Variants in PTPRF observed in about 807,000 individuals in gnomAD.
PTPRF encodes the protein receptor-type tyrosine-protein phosphatase F.
A neutral mutation model predicts 201.8 loss-of-function variants in PTPRF; 59 were observed. That is an observed-to-expected ratio of 0.29 (90% CI 0.24 to 0.36). The LOEUF (loss-of-function observed/expected upper bound fraction) is 0.36. Among genes scored for constraint, PTPRF ranks in the 10% least tolerant of loss-of-function variants. The pLI is 1.00. For synonymous variants in PTPRF, 1,088 were observed against 1,089.7 expected (o/e 1.00, Z 0.03); for missense variants, 2,132 against 2,690.5 (o/e 0.79, Z 4.59).
intron 6 of PTPRF, among the ~76,000 whole-genome samples, chr1:43,571,097 T>TATATAA (rs1459944888): frequency 6.6e-6 from 1 of 152,206 alleles, no homozygotes. Context: ...TATATAGTGC[T>TATATAA]TGGGGTGCCC....
intron 8 of PTPRF, 31 bp from the exon 9 acceptor site, chr1:43,590,941 G>GGCAGCTTTGA (rs765071738): frequency 3.2e-6 from 5 of 1,569,974 alleles, no homozygotes; most frequent in Non-Finnish European, 1.7e-6. Flanking sequence ...CTTGACCTCG[G>GGCAGCTTTGA]GCAGCTTTGA....
chr1:43,609,395 C>T lies in PTPRF; in HGVS notation c.3870C>T (p.His1290=). ...TCTGTCTCTCTAGGAAAAGGACCCA[C>T]TCTCCGTCCTCTAAGGATGAGCAGT... ...AILLFKRKRT[H]SPSSKDEQSI... is the part of the protein sequence containing the mutation. The change falls in exon 22 of 34, where the codon CAC becomes CAT. Residue 1290 remains histidine (H), a synonymous_variant. Coordinates refer to ENST00000359947, the MANE Select transcript of PTPRF (RefSeq NM_002840.5). 6.2e-7 allele frequency: 1 copy of T among 1,613,952 alleles called. No individual in the cohort carries two copies.
At chr1:43,568,784 G>A (rs1418370071) in intron 5 of PTPRF, among the ~76,000 whole-genome samples, 2 of 152,210 alleles carry the variant, frequency 1.3e-5, no homozygotes, top group Admixed American at 6.5e-5. Context: ...CTCTATGCTA[G>A]TGACTCCTCT....
chr1:43,549,988 C>G (rs1231099720), intron 3 of PTPRF, among the ~76,000 whole-genome samples: 1 of 152,150 alleles, frequency 6.6e-6, no homozygotes, highest in Non-Finnish European at 1.5e-5. Context: ...ATCTGTGCTC[C>G]CCAAAGATCC....
At chr1:43,549,414 G>T (rs927583198) in intron 3 of PTPRF, among the ~76,000 whole-genome samples, 3 of 152,170 alleles carry the variant, frequency 2.0e-5, no homozygotes, top group Non-Finnish European at 2.9e-5. Context: ...GGTGGGACAT[G>T]AGAGAGGGGC....
At position 43,619,052 on chromosome 1, in the gene PTPRF, G is replaced by C. The variant is rs1290285355; in HGVS notation, c.4496G>C (p.Gly1499Ala). ...TGTCCCCACTTTGTCCCCCAGAGTG[G>C]CTCCAGTGAGAAGCGCGAGCTGCGT... ...TVRTFALHKS[G>A]SSEKRELRQF... Residue 1499 changes from glycine to alanine, a missense_variant, in exon 27 of 34, where the codon GGC (glycine) becomes GCC (alanine). Physicochemically the swap from Gly to Ala is moderately conservative, Grantham distance 60. Coordinates refer to ENST00000359947, the MANE Select transcript of PTPRF (RefSeq NM_002840.5). 1.5e-5 allele frequency: 25 copies of C among 1,613,178 alleles called. No homozygotes were observed. The highest frequency in any genetic ancestry group is 1.9e-5 in the Non-Finnish European group (22 of 1,179,382).
intron 10 of PTPRF, 42 bp downstream of exon 10, chr1:43,591,990 C>A: frequency 6.2e-7 from 1 of 1,608,696 alleles, no homozygotes; most frequent in Non-Finnish European, 8.5e-7. Context: ...TCTCCTGGTC[C>A]CTGAGGGTCT....
intron 23 of PTPRF, among the ~76,000 whole-genome samples, 171 bp downstream of exon 23, chr1:43,613,886 A>G (rs1013754148): frequency 7.2e-5 from 11 of 152,160 alleles, no homozygotes; most frequent in African/African-American, 2.7e-4. Flanking sequence ...CGGGTGCCTC[A>G]GATGCTGGGT....
At chr1:43,550,522 T>A (rs1644963974) in intron 3 of PTPRF, among the ~76,000 whole-genome samples, 1 of 152,178 alleles carries the variant, frequency 6.6e-6, no homozygotes. Context: ...GGTTCCTCAG[T>A]TCGGTCCTTC....
At chr1:43,550,878 G>C (rs116156761) in intron 3 of PTPRF, among the ~76,000 whole-genome samples, 1,565 of 152,312 alleles carry the variant, frequency 0.01, 13 homozygotes, top group Middle Eastern at 0.017. Context: ...GGAAGTTAGA[G>C]TGTATGGCGG....
At chr1:43,614,903 AAGAG>A (rs781453737) in intron 23 of PTPRF, among the ~76,000 whole-genome samples, 28 of 152,084 alleles carry the variant, frequency 1.8e-4, no homozygotes, top group South Asian at 2.1e-4. Flanking sequence ...TTACTTAAAA[AAGAG>A]AGAGAGAGAC....
intron 5 of PTPRF, among the ~76,000 whole-genome samples, chr1:43,561,973 A>G (rs944201912): frequency 3.9e-5 from 6 of 152,180 alleles, no homozygotes; most frequent in African/African-American, 1.4e-4. Flanking sequence ...CCCTAGCCTC[A>G]TGACCACGGT....
At chr1:43,538,585 G>T (rs987278839) in intron 2 of PTPRF, among the ~76,000 whole-genome samples, 1 of 152,220 alleles carries the variant, frequency 6.6e-6, no homozygotes, top group African/African-American at 2.4e-5. Flanking sequence ...TTTCTGGCTG[G>T]AGTGGATGAT....
In PTPRF at chr1:43,620,861, G is replaced by T. The variant is rs776556792; in HGVS notation, c.5388G>T (p.Arg1796=). 6.2e-7 allele frequency: 1 copy of T among 1,613,390 alleles called. No homozygotes were observed. Among genetic ancestry groups the T allele is most frequent in the South Asian group, 1.1e-5 (1 of 90,958 alleles). ...AGGATGGGCAGTCAAGGACAATCCG[G>T]CAGTTCCAGTTCACAGACTGGCCAG... ...DARDGQSRTI[R]QFQFTDWPEQ... is the part of the protein sequence containing the mutation. The change falls in exon 32 of 34, where the codon CGG becomes CGT. Residue 1796 remains arginine, a synonymous_variant. Transcript: ENST00000359947.
chr1:43,564,789 A>G lies in PTPRF; in HGVS notation c.380-4801A>G, dbSNP rs1001280997. Among the ~76,000 whole-genome samples the G allele has an allele frequency of 3.3e-5, 5 of 152,098 alleles. No individual in the cohort carries two copies. In the South Asian group the frequency reaches 8.3e-4, roughly 25 times the overall value. ...GGAGACGCCACGAAGCTGGGTAAAC[A>G]TGGGTGAAAAGGTCATACTGACAGA... On this transcript the variant is annotated intron_variant, in intron 5 of 33. Transcript: ENST00000359947.
rs753377322 is a variant in PTPRF, at chr1:43,604,962, G to C, written c.3097G>C (p.Glu1033Gln). ...AMKTSVLLSW[E>Q]VPDSYKSAVP... ...GAAGACGTCTGTGCTGCTCAGCTGG[G>C]AGGTTCCCGACTCCTATAAGTCAGC... The change falls in exon 17 of 34, where the codon GAG becomes CAG. Residue 1033 changes from glutamate to glutamine, a missense_variant. Coordinates refer to ENST00000359947, the MANE Select transcript of PTPRF (RefSeq NM_002840.5). 22 of 1,614,040 alleles carry C rather than the reference G, an allele frequency of 1.4e-5. No individual in the cohort carries two copies. Among genetic ancestry groups the C allele is most frequent in the Non-Finnish European group, 4.2e-6 (5 of 1,180,052 alleles).
Position 43,604,097 on chromosome 1 carries a change from C to T in PTPRF, c.2945C>T (p.Thr982Ile). 6.2e-7 allele frequency: 1 copy of T among 1,614,228 alleles called. No homozygotes were observed. The highest frequency in any genetic ancestry group is 2.2e-5 in the East Asian group (1 of 44,892). ...RFTLTGLKPDTTYDIKVRAWT... is the reference protein window; with the variant it reads ...RFTLTGLKPDITYDIKVRAWT... Reference sequence around the variant, plus strand: ...ACCCTTACTGGCCTCAAGCCAGACACCACTTACGACATCAAGGTCCGCGCA... The same window carrying T: ...ACCCTTACTGGCCTCAAGCCAGACATCACTTACGACATCAAGGTCCGCGCA... Residue 982 changes from threonine to isoleucine, a missense_variant, in exon 16 of 34, where the codon ACC becomes ATC. By Grantham distance (89) the Thr-to-Ile change is moderately conservative. This residue lies in a region of PTPRF where 818 missense variants were observed against 915.3 expected (regional missense o/e 0.89). Transcript: ENST00000359947.
intron 11 of PTPRF, 25 bp downstream of exon 11, chr1:43,592,626 C>A (rs536887152): frequency 6.4e-7 from 1 of 1,556,352 alleles, no homozygotes; most frequent in Non-Finnish European, 8.7e-7. Context: ...AGTCCGCTGC[C>A]TGTTACACCT....
chr1:43,562,699 A>G (rs1014089032), intron 5 of PTPRF, among the ~76,000 whole-genome samples: 18 of 152,078 alleles, frequency 1.2e-4, no homozygotes, highest in African/African-American at 4.3e-4. Flanking sequence ...GGCATGAGCC[A>G]CTGCTCCTGG....
Sources: gnomAD v4.1 joint callset for allele counts (sites outside exome capture counted in the v4.1 genomes callset) on GRCh38, gnomAD v4.1.1 for gene constraint, gnomAD v4.1.1 regional missense constraint, MANE v1.5 for transcripts, NCBI Gene and HGNC (gene_info 2026-07-23, HGNC 2026-07-21) for gene names.